The following PRDM5 variants were observed in gnomAD, a reference collection of about 807,000 sequenced individuals.
The protein encoded by PRDM5 is PR domain zinc finger protein 5.
PRDM5 carries 56 observed loss-of-function variants against 81.2 expected under a neutral mutation model. The observed-to-expected ratio is 0.69, with a 90% CI of 0.56 to 0.86. The LOEUF (loss-of-function observed/expected upper bound fraction) is 0.86, where lower values mean the gene tolerates loss of function less well. Among genes scored for constraint, PRDM5 ranks in the 40% least tolerant of loss-of-function variants. PRDM5 has a pLI of 0.00. For synonymous variants in PRDM5, 267 were observed against 256.4 expected, an observed-to-expected ratio of 1.04 and a Z score of -0.39; for missense variants, 697 against 770.1, an observed-to-expected ratio of 0.91 and a Z score of 1.12.
Position 120,695,237 on chromosome 4 carries a change from A to C in PRDM5, c.1767T>G (p.Ile589Met). ...TGGGATTATGAGTCATCTTGTGTCG[A>C]ATCAGCATTTTCTTCAGGCTAAAAG... ...DLAFSLKKML[I>M]RHKMTHNPNR... is the part of the protein sequence containing the mutation. The change falls in exon 16 of 16, where the codon ATT becomes ATG. Residue 589 changes from isoleucine to methionine, a missense_variant. Transcript: ENST00000264808. 15 of 1,613,582 alleles carry C rather than the reference A, an allele frequency of 9.3e-6. No homozygotes were observed. The highest frequency in any genetic ancestry group is 1.3e-5 in the Non-Finnish European group (15 of 1,179,650).
At chr4:120,918,512 T>G (rs1240105885) in intron 1 of PRDM5, among the ~76,000 whole-genome samples, 6 of 152,256 alleles carry the variant, frequency 3.9e-5, no homozygotes, top group African/African-American at 1.4e-4. Flanking sequence ...CTACAGGCTT[T>G]TATTTACTTA....
At chr4:120,803,332 A>G (rs1487308933) in intron 8 of PRDM5, among the ~76,000 whole-genome samples, 1 of 152,194 alleles carries the variant, frequency 6.6e-6, no homozygotes, top group Non-Finnish European at 1.5e-5. Flanking sequence ...GCAGGCCAAC[A>G]TTCAAATTCA....
chr4:120,797,688 G>A (rs1177308985), intron 10 of PRDM5, among the ~76,000 whole-genome samples: 3 of 152,254 alleles, frequency 2.0e-5, no homozygotes, highest in East Asian at 3.9e-4. Flanking sequence ...TCATTATGTC[G>A]AAAAGATGCC....
chr4:120,685,503 T>C (rs1415215395), intron 1 of PRDM5, among the ~76,000 whole-genome samples: 1 of 152,138 alleles, frequency 6.6e-6, no homozygotes, highest in East Asian at 1.9e-4. Flanking sequence ...ATATACAAAT[T>C]AAAATGTTAT....
chr4:120,756,267 T>G lies in PRDM5; in HGVS notation c.1538-1629A>C, dbSNP rs189372799. On this transcript the variant is annotated intron_variant, in intron 13 of 15. Transcript: ENST00000264808. ...TAACAGGTACCCTCCTTTGGGTATC[T>G]CACAAACAGCTTAAATCAGTGTGCA... Among the ~76,000 whole-genome samples the G allele has an allele frequency of 1.2e-3, 184 of 152,318 alleles. No homozygotes were observed. The Middle Eastern group carries it at 0.017, about 14-fold the overall frequency.
intron 14 of PRDM5, among the ~76,000 whole-genome samples, chr4:120,747,476 T>G (rs1561072860): frequency 1.3e-5 from 2 of 151,718 alleles, no homozygotes; most frequent in African/African-American, 4.8e-5. Context: ...AATAAATTTT[T>G]GGGGGGATAA....
At chr4:120,918,836 T>C (rs1314009629) in intron 1 of PRDM5, among the ~76,000 whole-genome samples, 2 of 152,044 alleles carry the variant, frequency 1.3e-5, no homozygotes, top group Non-Finnish European at 2.9e-5. Flanking sequence ...ACCTGTAAAA[T>C]GAGGATGTGC....
At chr4:120,776,896 T>C (rs1748229268) in intron 13 of PRDM5, among the ~76,000 whole-genome samples, 1 of 152,218 alleles carries the variant, frequency 6.6e-6, no homozygotes, top group Admixed American at 6.5e-5. Context: ...GTAAAACTGT[T>C]ATTCTCTAAT....
intron 8 of PRDM5, among the ~76,000 whole-genome samples, chr4:120,807,302 G>A (rs994727462): frequency 9.9e-5 from 15 of 152,206 alleles, no homozygotes; most frequent in Admixed American, 2.0e-4. Flanking sequence ...TGATTCCTCC[G>A]GGAGCTAGAA....
At chr4:120,807,581 A>C (rs541780364) in intron 8 of PRDM5, among the ~76,000 whole-genome samples, 1 of 152,362 alleles carries the variant, frequency 6.6e-6, no homozygotes, top group East Asian at 1.9e-4. Context: ...ATGAAGCTGG[A>C]AACCATCACT....
At chr4:120,717,062 G>A (rs1411781619) in intron 14 of PRDM5, among the ~76,000 whole-genome samples, 23 of 137,644 alleles carry the variant, frequency 1.7e-4, no homozygotes, top group Admixed American at 1.4e-4. Context: ...TGAACATTGT[G>A]AAAAAAAAAA....
At chr4:120,773,268 C>G (rs1444138595) in intron 13 of PRDM5, among the ~76,000 whole-genome samples, 1 of 151,416 alleles carries the variant, frequency 6.6e-6, no homozygotes, top group Admixed American at 6.6e-5. Flanking sequence ...AAGAAGTGAG[C>G]CTGTCATTGA....
intron 15 of PRDM5, among the ~76,000 whole-genome samples, chr4:120,695,517 CTATT>C (rs926139575): frequency 3.5e-4 from 53 of 152,090 alleles, no homozygotes; most frequent in African/African-American, 1.2e-3. Context: ...TCATATTAAA[CTATT>C]TAAGCAAAAT....
At chr4:120,848,069 G>T (rs1256859986) in intron 3 of PRDM5, among the ~76,000 whole-genome samples, 2 of 152,084 alleles carry the variant, frequency 1.3e-5, no homozygotes, top group African/African-American at 2.4e-5. Flanking sequence ...ACATTAGCTA[G>T]CAGCTAAAAT....
rs141905859 is a variant in PRDM5, at chr4:120,812,919, A to G, written c.866-1470T>C. On this transcript the variant is annotated intron_variant, in intron 7 of 15. Coordinates refer to ENST00000264808, the MANE Select transcript of PRDM5 (RefSeq NM_018699.4). ...AAGAAAAAACTAAATTTATTAATTC[A>G]TAAAGTGATTGTGTTAATTCTTTTA... The G allele has an allele frequency of 2.7e-3, 476 of 177,240 alleles. 3 individuals are homozygous for G. Among genetic ancestry groups the G allele is most frequent in the African/African-American group, 0.011 (466 of 41,860 alleles). 11.0% of individuals were successfully genotyped at this position (177,240 alleles called of 1,614,324 possible).
intron 3 of PRDM5, among the ~76,000 whole-genome samples, chr4:120,840,295 G>A (rs1757866672): frequency 6.6e-6 from 1 of 152,184 alleles, no homozygotes; most frequent in African/African-American, 2.4e-5. Context: ...ACAGCCTGGG[G>A]CTCCCCGTCA....
intron 3 of PRDM5, among the ~76,000 whole-genome samples, chr4:120,826,492 A>G (rs1578890947): frequency 6.6e-6 from 1 of 152,134 alleles, no homozygotes; most frequent in Admixed American, 6.6e-5. Context: ...TGAATTTCTA[A>G]TATGTGTTGC....
In PRDM5 at chr4:120,845,401, T is replaced by A. The variant is rs186867059; in HGVS notation, c.300+8017A>T. 1.6e-3 allele frequency among the ~76,000 whole-genome samples: 238 copies of A among 152,356 alleles called. 2 individuals are homozygous for A. Among genetic ancestry groups the A allele is most frequent in the Non-Finnish European group, 1.9e-3 (129 of 68,036 alleles). ...GGTGACTTTACATTGAAGCCAATGC[T>A]CATTTACCATTCAGAAAATCCTAGG... is the stretch of plus-strand genomic sequence containing the variant. On this transcript the variant is annotated intron_variant, in intron 3 of 15. Transcript: ENST00000264808.
intron 15 of PRDM5, among the ~76,000 whole-genome samples, chr4:120,707,427 G>C (rs931373562): frequency 6.6e-6 from 1 of 151,766 alleles, no homozygotes; most frequent in Non-Finnish European, 1.5e-5. Flanking sequence ...TAAAAAGGGA[G>C]ATTTCTCAAC....
Sources: gnomAD v4.1 joint callset for allele counts (sites outside exome capture counted in the v4.1 genomes callset) on GRCh38, gnomAD v4.1.1 for gene constraint, MANE v1.5 for transcripts, NCBI Gene and HGNC (gene_info 2026-07-23, HGNC 2026-07-21) for gene names.